Variants in TMEM233 observed in about 807,000 individuals in gnomAD.
TMEM233 encodes the protein dispanin subfamily B member 2.
TMEM233 carries 6 observed loss-of-function variants against 11.2 expected under a neutral mutation model. The observed-to-expected ratio is 0.54, with a 90% CI of 0.29 to 1.06. The LOEUF is 1.06. TMEM233 is among the 50% of genes least tolerant of loss of function. TMEM233 has a pLI of 0.08. For synonymous variants in TMEM233, 59 were observed against 55.8 expected, an observed-to-expected ratio of 1.06 and a Z score of -0.26; for missense variants, 127 against 144.7, an observed-to-expected ratio of 0.88 and a Z score of 0.63.
intron 1 of TMEM233, among the ~76,000 whole-genome samples, chr12:119,609,151 G>A (rs1411840446): frequency 2.0e-5 from 3 of 152,162 alleles, no homozygotes; most frequent in African/African-American, 7.2e-5. Flanking sequence ...GGCTGAGGTG[G>A]TCTCAGATGG....
At chr12:119,653,217 C>G in the TMEM233 span, among the ~76,000 whole-genome samples, 1 of 151,468 alleles carries the variant, frequency 6.6e-6, no homozygotes. Flanking sequence ...ACGGAGAAAC[C>G]CCGTCTCTAT....
chr12:119,618,776 G>C (rs1254292695), intron 1 of TMEM233, among the ~76,000 whole-genome samples: 1 of 152,188 alleles, frequency 6.6e-6, no homozygotes, highest in Non-Finnish European at 1.5e-5. Flanking sequence ...GTTTTGCAAG[G>C]TCATAGGCGG....
At chr12:119,605,409 C>CTTTTTTTTTT (rs6144897) in intron 1 of TMEM233, among the ~76,000 whole-genome samples, 2 of 93,646 alleles carry the variant, frequency 2.1e-5, no homozygotes, top group African/African-American at 7.4e-5. Context: ...TATGCCTTTC[C>CTTTTTTTTTT]TTTTTTTTTT....
At chr12:119,635,945 T>C (rs1954963568) in intron 2 of TMEM233, among the ~76,000 whole-genome samples, 1 of 152,104 alleles carries the variant, frequency 6.6e-6, no homozygotes, top group Non-Finnish European at 1.5e-5. Flanking sequence ...ACCTTCCAGG[T>C]CCCACCACAC....
the TMEM233 span, among the ~76,000 whole-genome samples, chr12:119,648,501 A>G: frequency 6.6e-6 from 1 of 152,180 alleles, no homozygotes. Flanking sequence ...GCCTTCTCTG[A>G]TATGCCAACG....
At chr12:119,634,612 C>CA (rs1162941681) in intron 2 of TMEM233, among the ~76,000 whole-genome samples, 44 of 147,910 alleles carry the variant, frequency 3.0e-4, no homozygotes, top group East Asian at 2.4e-3. Context: ...GACCCTGTCT[C>CA]AAAAAAAAAC....
rs1224393076 is a variant in TMEM233 at position 119,594,806 on chromosome 12, G to A, written c.186+772G>A. On this transcript the variant is annotated intron_variant, in intron 1 of 2. Transcript: ENST00000426426. The surrounding 1 kb of genome is among the most constrained non-coding windows in gnomAD (Gnocchi z 5.6). Reference sequence around the variant, plus strand: ...GGCTCCCCGTGTGCCCCCCTCACCAGCAAAGTGGGTGCGCCTCTCTTACTC... The same window carrying A: ...GGCTCCCCGTGTGCCCCCCTCACCAACAAAGTGGGTGCGCCTCTCTTACTC... Among the ~76,000 whole-genome samples the A allele has an allele frequency of 6.6e-6, 1 of 152,068 alleles. No homozygotes were observed. Among genetic ancestry groups the A allele is most frequent in the Non-Finnish European group, 1.5e-5 (1 of 67,992 alleles).
the TMEM233 span, among the ~76,000 whole-genome samples, chr12:119,651,370 C>A: frequency 5.2e-3 from 797 of 152,294 alleles, 8 homozygotes; most frequent in African/African-American, 0.018. Flanking sequence ...CCTCTCTACC[C>A]TAAACCTTCA....
At chr12:119,640,552 CA>C in intron 2 of TMEM233, 146 bp from the exon 3 acceptor site, 1 of 830,266 alleles carries the variant, frequency 1.2e-6, no homozygotes, top group South Asian at 1.5e-5. Flanking sequence ...TGCTTAGAGT[CA>C]AAAGTGTGCA....
chr12:119,608,045 T>A (rs1296718059), intron 1 of TMEM233, among the ~76,000 whole-genome samples: 1 of 152,208 alleles, frequency 6.6e-6, no homozygotes, highest in East Asian at 1.9e-4. Flanking sequence ...ACAGAGAAAC[T>A]ACAGCTTAGC....
At chr12:119,651,691 G>A in the TMEM233 span, among the ~76,000 whole-genome samples, 1 of 151,838 alleles carries the variant, frequency 6.6e-6, no homozygotes, top group African/African-American at 2.4e-5. Flanking sequence ...GCTGGATGTG[G>A]TGGCACATGC....
the TMEM233 span, among the ~76,000 whole-genome samples, chr12:119,648,273 T>C: frequency 6.6e-6 from 1 of 152,228 alleles, no homozygotes; most frequent in Non-Finnish European, 1.5e-5. Context: ...TCTTCTTTAT[T>C]ATCTATCTCC....
At chr12:119,650,325 G>A in the TMEM233 span, among the ~76,000 whole-genome samples, 295 of 152,282 alleles carry the variant, frequency 1.9e-3, no homozygotes, top group African/African-American at 6.8e-3. Context: ...AGTCATGGAA[G>A]AGTTAAATAA....
intron 1 of TMEM233, among the ~76,000 whole-genome samples, chr12:119,600,488 T>C (rs1954141732): frequency 6.6e-6 from 1 of 151,756 alleles, no homozygotes; most frequent in Non-Finnish European, 1.5e-5. Context: ...GGCTGGAGGC[T>C]GAAGAAGTAA....
chr12:119,607,362 C>T (rs147839436), intron 1 of TMEM233, among the ~76,000 whole-genome samples: 2,262 of 152,136 alleles, frequency 0.015, 65 homozygotes, highest in African/African-American at 0.052. Flanking sequence ...TCGGTTAGCG[C>T]GCGGTATTTC....
chr12:119,604,591 T>C (rs1398411565), intron 1 of TMEM233, among the ~76,000 whole-genome samples: 2 of 152,164 alleles, frequency 1.3e-5, no homozygotes, highest in African/African-American at 4.8e-5. Context: ...CCCCCTTTCT[T>C]CCAACTTGCA....
intron 1 of TMEM233, among the ~76,000 whole-genome samples, chr12:119,599,206 A>C (rs932746052): frequency 6.6e-6 from 1 of 152,228 alleles, no homozygotes; most frequent in Admixed American, 6.5e-5. Flanking sequence ...TTAAAATGAT[A>C]GTAAGTGCTA....
the TMEM233 span, among the ~76,000 whole-genome samples, chr12:119,651,825 CAAAAAAAAAAAA>C: frequency 2.5e-5 from 2 of 79,420 alleles, no homozygotes; most frequent in Non-Finnish European, 4.5e-5. Context: ...GACTCCGTCT[CAAAAAAAAAAAA>C]AAAAAAAAAA....
chr12:119,647,795 C>T (rs537773772), downstream of TMEM233, among the ~76,000 whole-genome samples: 1 of 144,570 alleles, frequency 6.9e-6, no homozygotes, highest in South Asian at 2.3e-4. Context: ...CCCCGACAGG[C>T]CCCAGTGTGT....
Sources: allele counts gnomAD v4.1 joint callset (sites outside exome capture counted in the v4.1 genomes callset), GRCh38; gene constraint gnomAD v4.1.1; non-coding constraint Gnocchi (gnomAD v3.1); transcripts MANE v1.5; gene names NCBI Gene and HGNC (gene_info 2026-07-23, HGNC 2026-07-21).